RANBP10: variants seen among roughly 807,000 people sequenced by gnomAD.
RANBP10 encodes ran-binding protein 10.
A neutral mutation model predicts 72.8 loss-of-function variants in RANBP10; 24 were observed. That is an observed-to-expected ratio of 0.33 (90% CI 0.24 to 0.46). The LOEUF (loss-of-function observed/expected upper bound fraction) is 0.46. RANBP10 is among the 20% of genes least tolerant of loss of function. The pLI is 1.00. For synonymous variants in RANBP10, 310 were observed against 322.3 expected (o/e 0.96, Z 0.41); for missense variants, 679 against 817.5 (o/e 0.83, Z 2.07).
chr16:67,746,764 C>G (rs1163076336), intron 3 of RANBP10, among the ~76,000 whole-genome samples: 1 of 152,230 alleles, frequency 6.6e-6, no homozygotes, highest in South Asian at 2.1e-4. Context: ...CAGAATTTCA[C>G]ATAAATGGAA....
chr16:67,757,034 G>A (rs1408355253), intron 3 of RANBP10, among the ~76,000 whole-genome samples: 2 of 151,984 alleles, frequency 1.3e-5, no homozygotes, highest in African/African-American at 4.8e-5. Context: ...GAGAAACCCC[G>A]TCTTAACTAA....
intron 5 of RANBP10, chr16:67,735,565 G>C (rs1252522761): frequency 6.6e-6 from 1 of 152,374 alleles, no homozygotes; most frequent in African/African-American, 2.4e-5. Context: ...GACCAGTCTG[G>C]GCAACAAAGT....
At chr16:67,773,131 G>A (rs1310301735) in intron 2 of RANBP10, among the ~76,000 whole-genome samples, 1 of 152,188 alleles carries the variant, frequency 6.6e-6, no homozygotes, top group Non-Finnish European at 1.5e-5. Flanking sequence ...CCTGGTGGCA[G>A]GTGTTAAGAT....
intron 6 of RANBP10, among the ~76,000 whole-genome samples, chr16:67,734,273 A>T (rs1211413021): frequency 6.6e-6 from 1 of 152,320 alleles, no homozygotes; most frequent in East Asian, 1.9e-4. Context: ...TCACTGCCTC[A>T]CTCAGGCTTG....
chr16:67,744,799 G>A (rs1156400798), intron 3 of RANBP10, among the ~76,000 whole-genome samples: 1 of 152,240 alleles, frequency 6.6e-6, no homozygotes, highest in Non-Finnish European at 1.5e-5. Context: ...CCTTGGAAGT[G>A]TATCTGGCAG....
At chr16:67,763,711 T>C (rs898931676) in intron 3 of RANBP10, among the ~76,000 whole-genome samples, 2 of 152,176 alleles carry the variant, frequency 1.3e-5, no homozygotes, top group African/African-American at 2.4e-5. Context: ...GTTTGTTTGT[T>C]TGAGACAGAG....
chr16:67,784,983 GCAGATCACCTGAGGT>G (rs2054887168), intron 2 of RANBP10, among the ~76,000 whole-genome samples: 1 of 151,912 alleles, frequency 6.6e-6, no homozygotes, highest in Non-Finnish European at 1.5e-5. Context: ...GCCGAGGCGG[GCAGATCACCTGAGGT>G]CAGAAGTTTG....
Position 67,730,021 on chromosome 16 carries a change from G to A in RANBP10, c.915C>T (p.Gly305=), listed in dbSNP as rs1320927342. 1.9e-6 allele frequency: 3 copies of A among 1,612,868 alleles called. No homozygotes were observed. The highest frequency in any genetic ancestry group is 2.7e-5 in the African/African-American group (2 of 74,926). Residue 305 remains glycine, a synonymous_variant, in exon 8 of 14, where the codon GGC becomes GGT. Transcript: ENST00000317506. The surrounding 1 kb of genome is among the most constrained non-coding windows in gnomAD (Gnocchi z 4.3). ...TGGTCTCGATGGCCTCGCCCACACG[G>A]CCCTCCAGCACCAGCTTCTGGATCT... ...RQKIQKLVLE[G]RVGEAIETTQ...
intron 2 of RANBP10, among the ~76,000 whole-genome samples, chr16:67,794,906 CAA>C (rs1029913878): frequency 1.0e-4 from 11 of 110,536 alleles, no homozygotes; most frequent in Non-Finnish European, 1.4e-4. Flanking sequence ...GCCTAGGTGA[CAA>C]GAGTGAGACC....
intron 2 of RANBP10, among the ~76,000 whole-genome samples, chr16:67,774,109 C>A (rs1251160435): frequency 1.3e-5 from 2 of 152,206 alleles, no homozygotes; most frequent in African/African-American, 4.8e-5. Context: ...AAGCAGCAAA[C>A]GACCCCAGCT....
At chr16:67,769,410 C>T (rs2054563768) in intron 3 of RANBP10, among the ~76,000 whole-genome samples, 1 of 119,034 alleles carries the variant, frequency 8.4e-6, no homozygotes, top group Non-Finnish European at 1.6e-5. Flanking sequence ...TGCCACTGCA[C>T]TCCACCCTGG....
intron 3 of RANBP10, among the ~76,000 whole-genome samples, chr16:67,744,917 G>A (rs796142731): frequency 3.0e-4 from 46 of 152,216 alleles, no homozygotes; most frequent in African/African-American, 1.0e-3. Context: ...CCCGCCTCCC[G>A]GGTTCACGCC....
At chr16:67,726,624 T>C in intron 13 of RANBP10, 66 bp from the exon 14 acceptor site, 2 of 1,494,462 alleles carry the variant, frequency 1.3e-6, no homozygotes, top group Non-Finnish European at 1.8e-6. Flanking sequence ...CAAAGTTCCC[T>C]TGGGGGTGGA....
chr16:67,792,071 T>C (rs1178272458), intron 2 of RANBP10, among the ~76,000 whole-genome samples: 2 of 137,018 alleles, frequency 1.5e-5, no homozygotes, highest in East Asian at 2.2e-4. Context: ...AGTAAATAAA[T>C]AAATAAAGCA....
chr16:67,758,454 C>G (rs748045945), intron 3 of RANBP10, among the ~76,000 whole-genome samples: 9 of 152,144 alleles, frequency 5.9e-5, no homozygotes, highest in Non-Finnish European at 1.3e-4. Flanking sequence ...TGTGGCTCTG[C>G]GTACATCGTT....
chr16:67,805,574 A>G (rs1185528737), intron 1 of RANBP10, 35 bp from the exon 2 acceptor site: 2 of 1,571,870 alleles, frequency 1.3e-6, no homozygotes, highest in South Asian at 1.1e-5. Context: ...ATTTCAGCAG[A>G]AGGAAATGCA....
chr16:67,791,235 G>C (rs1166165361), intron 2 of RANBP10, among the ~76,000 whole-genome samples: 1 of 150,380 alleles, frequency 6.6e-6, no homozygotes, highest in South Asian at 2.1e-4. Flanking sequence ...GGCTGGTCTT[G>C]ATCTCCTGAC....
chr16:67,736,923 G>GT (rs1324094879), intron 5 of RANBP10, among the ~76,000 whole-genome samples: 1 of 152,148 alleles, frequency 6.6e-6, no homozygotes, highest in Non-Finnish European at 1.5e-5. Context: ...TCACTGGGGT[G>GT]TTTGGGATCC....
rs2143005903 is a variant in RANBP10 at position 67,744,331 on chromosome 16, G to A, written c.525C>T (p.Leu175=). The A allele has an allele frequency of 1.9e-6, 3 of 1,614,206 alleles. No homozygotes were observed. In the South Asian group the frequency reaches 3.3e-5, roughly 18 times the overall value. The stretch of plus-strand genomic sequence containing the variant: ...TGGTGTAGAAGCAGGTGCCATTGAT[G>A]AGGTTGACACAGCAGCCGATCACGT... ...TGDVIGCCVN[L]INGTCFYTKN... Residue 175 remains leucine (L), a synonymous_variant, in exon 4 of 14, where the codon CTC becomes CTT. Coordinates refer to ENST00000317506, the MANE Select transcript of RANBP10 (RefSeq NM_020850.3).
Sources: allele counts gnomAD v4.1 joint callset (sites outside exome capture counted in the v4.1 genomes callset), GRCh38; gene constraint gnomAD v4.1.1; non-coding constraint Gnocchi (gnomAD v3.1); transcripts MANE v1.5; gene names NCBI Gene and HGNC (gene_info 2026-07-23, HGNC 2026-07-21).